The following MACF1 variants were observed in gnomAD, a reference collection of about 807,000 sequenced individuals.
MACF1 encodes the protein microtubule actin crosslinking factor 1, also known as microtubule-actin cross-linking factor 1.
MACF1 carries 193 observed loss-of-function variants against 854.8 expected under a neutral mutation model. The observed-to-expected ratio is 0.23, with a 90% confidence interval of 0.20 to 0.25. MACF1 has a LOEUF of 0.25. Ranked by LOEUF, MACF1 falls within the 10% of genes least tolerant of loss-of-function variation. MACF1 has a pLI of 1.00. For missense variants in MACF1, 7,722 were observed against 8,929.1 expected (o/e 0.86, Z 5.45); for synonymous variants, 3,185 against 3,226.7 (o/e 0.99, Z 0.44).
intron 49 of MACF1, among the ~76,000 whole-genome samples, chr1:39,366,943 C>CTTTT (rs138556133): frequency 2.1e-5 from 2 of 93,026 alleles, no homozygotes; most frequent in East Asian, 2.8e-4. Flanking sequence ...CATGCCTGGC[C>CTTTT]TTTTTTTTTT....
intron 2 of MACF1, among the ~76,000 whole-genome samples, chr1:39,164,876 G>C (rs1350878083): frequency 6.6e-6 from 1 of 152,210 alleles, no homozygotes; most frequent in Non-Finnish European, 1.5e-5. Flanking sequence ...ACTAGAACTG[G>C]TGCTGTGTTT....
In MACF1 at chr1:39,359,009, C is replaced by T. The variant is rs1647836887; in HGVS notation, c.12121-132C>T. The T allele has an allele frequency of 2.1e-6, 3 of 1,405,018 alleles. No homozygotes were observed. In the Admixed American group the frequency reaches 6.7e-5, roughly 31 times the overall value. 87.0% of individuals were successfully genotyped at this position (1,405,018 alleles called of 1,614,324 possible). ...CCTTGGACAAGATCTGAGTGCTAAA[C>T]ACTTGCTTCTAATATTTATGGCTAT... On this transcript the variant is annotated intron_variant, in intron 46 of 100. Coordinates refer to ENST00000564288, the MANE Select transcript of MACF1 (RefSeq NM_001394062.1).
At chr1:39,097,403 G>A (rs185705673) in intron 2 of MACF1, among the ~76,000 whole-genome samples, 113 of 152,244 alleles carry the variant, frequency 7.4e-4, no homozygotes, top group Middle Eastern at 3.4e-3. Context: ...CTGAAGTCGA[G>A]TTGCAATAGG....
intron 79 of MACF1, among the ~76,000 whole-genome samples, chr1:39,444,025 A>G (rs1217773020): frequency 1.3e-5 from 2 of 152,178 alleles, no homozygotes; most frequent in African/African-American, 4.8e-5. Flanking sequence ...CTTTTGAGGG[A>G]TCTCTAATCC....
intron 2 of MACF1, among the ~76,000 whole-genome samples, chr1:39,183,835 A>C (rs936074303): frequency 6.6e-6 from 1 of 152,120 alleles, no homozygotes; most frequent in African/African-American, 2.4e-5. Flanking sequence ...GTATAGCGAG[A>C]GTAGCTGCAG....
chr1:39,380,715 G>A (rs183879133), intron 55 of MACF1, among the ~76,000 whole-genome samples: 39 of 152,146 alleles, frequency 2.6e-4, no homozygotes, highest in Non-Finnish European at 5.1e-4. Flanking sequence ...AAACCAGTCT[G>A]GGCAACATAG....
At chr1:39,375,990 A>G (rs1649686971) in intron 52 of MACF1, among the ~76,000 whole-genome samples, 2 of 152,216 alleles carry the variant, frequency 1.3e-5, no homozygotes, top group South Asian at 2.1e-4. Context: ...CACATGTGCT[A>G]TAGATGTTTT....
chr1:39,387,204 C>T lies in MACF1; in HGVS notation c.14362C>T (p.Leu4788Phe). Reference protein sequence around the residue: ...EDLAADRINRLQAALASTQQF... With the variant: ...EDLAADRINRFQAALASTQQF... Reference sequence around the variant, plus strand: ...CATTTCAGCCGATCGCATTAACAGACTCCAGGCAGCTCTTGCCAGCACCCA... The same window carrying T: ...CATTTCAGCCGATCGCATTAACAGATTCCAGGCAGCTCTTGCCAGCACCCA... The change falls in exon 58 of 101, where the codon CTC (leucine) becomes TTC (phenylalanine). Residue 4788 changes from leucine to phenylalanine, a missense_variant. Leu to Phe is a conservative substitution (Grantham distance 22, BLOSUM62 0). This residue lies in a region of MACF1 where 2,807 missense variants were observed against 3,235.8 expected (regional missense o/e 0.87). Transcript: ENST00000564288. 6.2e-7 allele frequency: 1 copy of T among 1,613,726 alleles called. No individual in the cohort carries two copies. Among genetic ancestry groups the T allele is most frequent in the Non-Finnish European group, 8.5e-7 (1 of 1,179,832 alleles).
chr1:39,181,079 T>C (rs1044480798), intron 2 of MACF1, among the ~76,000 whole-genome samples: 1 of 152,208 alleles, frequency 6.6e-6, no homozygotes, highest in Non-Finnish European at 1.5e-5. Flanking sequence ...CTAATATTTT[T>C]GTATTTTTAG....
intron 84 of MACF1, 83 bp from the exon 85 acceptor site, chr1:39,450,969 A>G (rs963825204): frequency 2.7e-6 from 4 of 1,470,274 alleles, no homozygotes; most frequent in African/African-American, 2.8e-5. Flanking sequence ...GGTTCAAGCA[A>G]TATTCCCTTT....
chr1:39,474,278 A>G (rs1050169416), intron 97 of MACF1, among the ~76,000 whole-genome samples: 2 of 152,028 alleles, frequency 1.3e-5, no homozygotes, highest in African/African-American at 2.4e-5. Context: ...TGTCCCAGCT[A>G]CTCGAGAGGC....
chr1:39,458,880 A>G, intron 90 of MACF1: 1 of 548,688 alleles, frequency 1.8e-6, no homozygotes, highest in East Asian at 3.1e-5. Context: ...GCTTGGAGAT[A>G]TGTAGGCAGC....
chr1:39,365,875 C>G (rs1648660695), intron 49 of MACF1, among the ~76,000 whole-genome samples: 1 of 152,026 alleles, frequency 6.6e-6, no homozygotes, highest in South Asian at 2.1e-4. Flanking sequence ...GGGGTTTCAC[C>G]ATGTTGGCCA....
At chr1:39,367,862 C>T (rs962364441) in intron 49 of MACF1, among the ~76,000 whole-genome samples, 8 of 151,464 alleles carry the variant, frequency 5.3e-5, no homozygotes, top group Admixed American at 4.0e-4. Context: ...CCCAGCTGCT[C>T]GAGATGCTGA....
At chr1:39,254,500 A>G in intron 5 of MACF1, 125 bp downstream of exon 5, 1 of 797,122 alleles carries the variant, frequency 1.3e-6, no homozygotes, top group Non-Finnish European at 2.1e-6. Context: ...CCCAGTTCTG[A>G]GTCTTAACTT....
At chr1:39,146,743 T>C (rs1029845601) in intron 2 of MACF1, among the ~76,000 whole-genome samples, 84 of 152,074 alleles carry the variant, frequency 5.5e-4, no homozygotes, top group African/African-American at 2.0e-3. Flanking sequence ...GGTTAATGGA[T>C]GCAAAAAAAT....
intron 2 of MACF1, among the ~76,000 whole-genome samples, chr1:39,199,490 A>G (rs1644363588): frequency 6.6e-6 from 1 of 151,982 alleles, no homozygotes; most frequent in Non-Finnish European, 1.5e-5. Flanking sequence ...ACAGAAAAAA[A>G]GACAGAAAAA....
At chr1:39,285,053 G>GT (rs1226700084) in intron 11 of MACF1, 30 bp from the exon 12 acceptor site, 1 of 1,612,344 alleles carries the variant, frequency 6.2e-7, no homozygotes, top group Non-Finnish European at 8.5e-7. Context: ...GCATGGCTGT[G>GT]TTTTTGGACT....
chr1:39,465,172 G>A (rs1644639010), intron 95 of MACF1, 60 bp downstream of exon 95: 7 of 1,535,032 alleles, frequency 4.6e-6, no homozygotes, highest in Non-Finnish European at 6.3e-6. Context: ...AGCTAATGCT[G>A]CCTGTTCTTC....
Sources: gnomAD v4.1 joint callset for allele counts (sites outside exome capture counted in the v4.1 genomes callset) on GRCh38, gnomAD v4.1.1 for gene constraint, gnomAD v4.1.1 regional missense constraint, MANE v1.5 for transcripts, NCBI Gene and HGNC (gene_info 2026-07-23, HGNC 2026-07-21) for gene names.